The following HS6ST3 variants were observed in gnomAD, a reference collection of about 807,000 sequenced individuals.
The protein encoded by HS6ST3 is heparan sulfate 6-O-sulfotransferase 3.
In HS6ST3, 12 loss-of-function variants were observed where a neutral mutation model predicts 36.7. The ratio of observed to expected loss-of-function variants is 0.33; its 90% CI spans 0.21 to 0.53. The LOEUF (loss-of-function observed/expected upper bound fraction) is 0.53, where lower values mean the gene tolerates loss of function less well. Ranked by LOEUF, HS6ST3 falls within the 20% of genes least tolerant of loss-of-function variation. The probability of loss-of-function intolerance (pLI) is 0.95; values close to 1 mark genes in which losing one functional copy is unlikely to be tolerated. For synonymous variants in HS6ST3, 240 were observed against 257.5 expected, an observed-to-expected ratio of 0.93 and a Z score of 0.65; for missense variants, 584 against 640.9, an observed-to-expected ratio of 0.91 and a Z score of 0.96.
In HS6ST3 at chr13:96,837,691, T is replaced by G. The variant is rs965651339; in HGVS notation, c.*4493T>G. Reference sequence around the variant, plus strand: ...GAAATATCCAAGAGATGGGCGGTGCTGCAGGGGAGACCAAAACTCAGAGGA... The same window carrying G: ...GAAATATCCAAGAGATGGGCGGTGCGGCAGGGGAGACCAAAACTCAGAGGA... On this transcript the variant is annotated 3_prime_UTR_variant, in exon 2 of 2. Transcript: ENST00000376705. 6.6e-6 allele frequency: 1 copy of G among 152,158 alleles called. No individual in the cohort carries two copies. Among genetic ancestry groups the G allele is most frequent in the African/African-American group, 2.4e-5 (1 of 41,432 alleles). 9.4% of individuals were successfully genotyped at this position (152,158 alleles called of 1,614,324 possible).
intron 1 of HS6ST3, among the ~76,000 whole-genome samples, chr13:96,095,982 C>T (rs999851734): frequency 5.3e-5 from 8 of 151,344 alleles, no homozygotes; most frequent in Non-Finnish European, 1.2e-4. Flanking sequence ...CCAACTGTGT[C>T]AATTGTAGGT....
intron 1 of HS6ST3, among the ~76,000 whole-genome samples, chr13:96,614,417 A>G (rs1281082249): frequency 1.3e-5 from 2 of 148,970 alleles, no homozygotes; most frequent in African/African-American, 5.0e-5. Context: ...GGTTTGGTGG[A>G]GAGGATGTTG....
chr13:96,516,403 T>A (rs1688702680), intron 1 of HS6ST3, among the ~76,000 whole-genome samples: 1 of 152,174 alleles, frequency 6.6e-6, no homozygotes, highest in South Asian at 2.1e-4. Context: ...CCTGTTTACT[T>A]AACTTATACC....
At chr13:96,731,671 TG>T (rs1253621629) in intron 1 of HS6ST3, among the ~76,000 whole-genome samples, 1 of 151,942 alleles carries the variant, frequency 6.6e-6, no homozygotes, top group Non-Finnish European at 1.5e-5. Flanking sequence ...GTTTTTTTTT[TG>T]TTTTGAGATG....
intron 1 of HS6ST3, among the ~76,000 whole-genome samples, chr13:96,714,665 A>T (rs187363520): frequency 6.6e-6 from 1 of 152,284 alleles, no homozygotes; most frequent in African/African-American, 2.4e-5. Context: ...CAATGCTTGC[A>T]TATGTATATT....
At chr13:96,828,668 T>C (rs1878703251) in intron 1 of HS6ST3, among the ~76,000 whole-genome samples, 1 of 151,068 alleles carries the variant, frequency 6.6e-6, no homozygotes, top group South Asian at 2.1e-4. Flanking sequence ...CTCATAGGAT[T>C]CTGGAATGGG....
At chr13:96,487,684 T>G (rs930517376) in intron 1 of HS6ST3, among the ~76,000 whole-genome samples, 1 of 152,100 alleles carries the variant, frequency 6.6e-6, no homozygotes, top group Non-Finnish European at 1.5e-5. Context: ...TAGAATTAGC[T>G]CTTAATATAT....
chr13:96,189,587 C>T (rs2054279685), intron 1 of HS6ST3, among the ~76,000 whole-genome samples: 1 of 152,036 alleles, frequency 6.6e-6, no homozygotes, highest in Non-Finnish European at 1.5e-5. Flanking sequence ...TTCTGGGGGT[C>T]CAAGAATCAG....
intron 1 of HS6ST3, among the ~76,000 whole-genome samples, chr13:96,428,526 T>A (rs964156032): frequency 6.6e-6 from 1 of 152,166 alleles, no homozygotes; most frequent in Non-Finnish European, 1.5e-5. Context: ...TAGTCTTACC[T>A]TCTGTGTGTG....
intron 1 of HS6ST3, among the ~76,000 whole-genome samples, chr13:96,693,350 G>A (rs1875027275): frequency 1.3e-5 from 2 of 152,070 alleles, no homozygotes; most frequent in African/African-American, 4.8e-5. Context: ...TGTTACCCAG[G>A]CTGGAGTGCA....
At chr13:96,230,192 T>C (rs1434583386) in intron 1 of HS6ST3, among the ~76,000 whole-genome samples, 2 of 152,236 alleles carry the variant, frequency 1.3e-5, no homozygotes, top group Non-Finnish European at 2.9e-5. Context: ...GATATACTCA[T>C]TTTTGTCTTT....
chr13:96,207,784 A>C (rs1359411685), intron 1 of HS6ST3, among the ~76,000 whole-genome samples: 1 of 152,154 alleles, frequency 6.6e-6, no homozygotes, highest in East Asian at 1.9e-4. Context: ...ATGAGAATGC[A>C]TGGGCACGTG....
intron 1 of HS6ST3, among the ~76,000 whole-genome samples, chr13:96,188,450 G>A (rs943257151): frequency 2.0e-5 from 3 of 151,732 alleles, no homozygotes; most frequent in Non-Finnish European, 4.4e-5. Context: ...CCCCCCCATC[G>A]CTACAAAAAC....
intron 1 of HS6ST3, among the ~76,000 whole-genome samples, chr13:96,757,630 C>T (rs9582062): frequency 0.47 from 71,657 of 151,744 alleles, 17,390 homozygotes; most frequent in African/African-American, 0.59. Context: ...ACGCATTATC[C>T]GATTGATGTT....
At chr13:96,631,049 G>A (rs749498239) in intron 1 of HS6ST3, among the ~76,000 whole-genome samples, 2 of 152,104 alleles carry the variant, frequency 1.3e-5, no homozygotes, top group Non-Finnish European at 2.9e-5. Flanking sequence ...CATGCTCAAC[G>A]TATAAGCACA....
At chr13:96,685,802 TC>T (rs1324902504) in intron 1 of HS6ST3, among the ~76,000 whole-genome samples, 1 of 151,962 alleles carries the variant, frequency 6.6e-6, no homozygotes, top group Admixed American at 6.6e-5. Context: ...CAGAGTAGTT[TC>T]CCAAAACTTC....
At chr13:96,629,354 C>T (rs563753576) in intron 1 of HS6ST3, among the ~76,000 whole-genome samples, 29 of 152,290 alleles carry the variant, frequency 1.9e-4, no homozygotes, top group Admixed American at 1.4e-3. Context: ...TCCAATCTTA[C>T]ATTTCAGGCC....
At chr13:96,711,902 T>C (rs775245077) in intron 1 of HS6ST3, among the ~76,000 whole-genome samples, 3 of 152,242 alleles carry the variant, frequency 2.0e-5, no homozygotes, top group Non-Finnish European at 4.4e-5. Flanking sequence ...TTATTATTGC[T>C]GGTATGTTCT....
intron 1 of HS6ST3, among the ~76,000 whole-genome samples, chr13:96,412,224 C>T (rs757565458): frequency 1.3e-5 from 2 of 151,990 alleles, no homozygotes; most frequent in Non-Finnish European, 2.9e-5. Context: ...AGGATGGTCT[C>T]GATCTCTCGA....
Sources: gnomAD v4.1 joint callset for allele counts (sites outside exome capture counted in the v4.1 genomes callset) on GRCh38, gnomAD v4.1.1 for gene constraint, MANE v1.5 for transcripts, NCBI Gene and HGNC (gene_info 2026-07-23, HGNC 2026-07-21) for gene names.